The following G2E3 variants were observed in gnomAD, a reference collection of about 807,000 sequenced individuals.
The protein encoded by G2E3 is G2/M-phase specific E3 ubiquitin protein ligase, also known as G2/M phase-specific E3 ubiquitin-protein ligase.
A neutral mutation model predicts 92.8 loss-of-function variants in G2E3; 35 were observed. The ratio of observed to expected loss-of-function variants is 0.38; its 90% CI spans 0.29 to 0.50. The LOEUF is 0.50. Among genes scored for constraint, G2E3 ranks in the 20% least tolerant of loss-of-function variants. The pLI, the probability that G2E3 is intolerant of heterozygous loss-of-function variation, is 0.94. For missense variants in G2E3, 554 were observed against 823.8 expected (o/e 0.67, Z 4.01); for synonymous variants, 242 against 272.4 (o/e 0.89, Z 1.10).
rs1346024937 is a variant in G2E3 at position 30,617,975 on chromosome 14, A to C, written c.*1441A>C. ...AAAATGTTTTAACCATATTTTTCTTAATACACAAAGCAGGTGTCAGCTGTT... is the reference window on the plus strand; with the variant it reads ...AAAATGTTTTAACCATATTTTTCTTCATACACAAAGCAGGTGTCAGCTGTT... On this transcript the variant is annotated 3_prime_UTR_variant, in exon 15 of 15. Coordinates refer to ENST00000206595, the MANE Select transcript of G2E3 (RefSeq NM_017769.5). The C allele has an allele frequency of 6.8e-6, 1 of 146,766 alleles. No homozygotes were observed. The highest frequency in any genetic ancestry group is 1.5e-5 in the Non-Finnish European group (1 of 66,942). 9.1% of individuals were successfully genotyped at this position (146,766 alleles called of 1,614,324 possible).
At chr14:30,610,692 G>A (rs1882048225) in intron 12 of G2E3, among the ~76,000 whole-genome samples, 1 of 152,164 alleles carries the variant, frequency 6.6e-6, no homozygotes, top group South Asian at 2.1e-4. Context: ...TACAAGTTAG[G>A]TTTTAGGCTA....
intron 1 of G2E3, among the ~76,000 whole-genome samples, chr14:30,563,695 T>TTGTGTGTGTGTGTGTG (rs56029424): frequency 2.8e-5 from 4 of 141,184 alleles, no homozygotes; most frequent in African/African-American, 8.1e-5. Context: ...TTTGTTACTT[T>TTGTGTGTGTGTGTGTG]TGTGTGTGTG....
intron 10 of G2E3, among the ~76,000 whole-genome samples, chr14:30,605,077 G>T (rs535807569): frequency 6.6e-6 from 1 of 152,146 alleles, no homozygotes; most frequent in African/African-American, 2.4e-5. Context: ...TGTATTTTCA[G>T]TAGAGACAGG....
At position 30,590,513 on chromosome 14, in the gene G2E3, T is replaced by C. The variant is rs1594488197; in HGVS notation, c.237+1029T>C. 8.1e-6 allele frequency: 3 copies of C among 368,972 alleles called. No homozygotes were observed. The East Asian group carries it at 2.2e-4, about 27-fold the overall frequency. 22.9% of individuals were successfully genotyped at this position (368,972 alleles called of 1,614,324 possible). A position where few individuals can be genotyped will look rare whatever the true frequency, so the allele number is the denominator to read the frequency against. ...TTGTCCCCTTTCCTGCCCCTGTCCATGTCCCACCCCATGTCAAGTCTGGAA... is the reference window on the plus strand; with the variant it reads ...TTGTCCCCTTTCCTGCCCCTGTCCACGTCCCACCCCATGTCAAGTCTGGAA... On this transcript the variant is annotated intron_variant, in intron 4 of 14. Coordinates refer to ENST00000206595, the MANE Select transcript of G2E3 (RefSeq NM_017769.5).
chr14:30,601,815 A>T lies in G2E3; in HGVS notation c.798A>T (p.Thr266=). ...KRCQCCGSSG[T]HLACSSLRSW... is the part of the protein sequence containing the mutation. ...GTCAGTGTTGTGGTTCCAGTGGCAC[A>T]CATTTAGCCTGCTCCTCATTACGGT... The change falls in exon 9 of 15, where the codon ACA becomes ACT. Residue 266 remains threonine (T), a synonymous_variant. Transcript: ENST00000206595. 6.2e-7 allele frequency: 1 copy of T among 1,613,912 alleles called. No individual in the cohort carries two copies. Among genetic ancestry groups the T allele is most frequent in the Non-Finnish European group, 8.5e-7 (1 of 1,179,820 alleles).
At chr14:30,575,568 G>A (rs1880032192) in intron 1 of G2E3, among the ~76,000 whole-genome samples, 1 of 152,202 alleles carries the variant, frequency 6.6e-6, no homozygotes, top group South Asian at 2.1e-4. Context: ...TAGGAAGAGA[G>A]GAAGTCAAAC....
intron 1 of G2E3, among the ~76,000 whole-genome samples, chr14:30,577,023 A>T (rs1594473103): frequency 6.6e-6 from 1 of 152,070 alleles, no homozygotes. Context: ...TCAAGAGATT[A>T]AGACCATCCT....
rs1224570025 is a variant in G2E3 at position 30,571,350 on chromosome 14, G to A, written c.-4-9726G>A. On this transcript the variant is annotated intron_variant, in intron 1 of 14. Coordinates refer to ENST00000206595, the MANE Select transcript of G2E3 (RefSeq NM_017769.5). ...GTTGTAAGCATTCTTTATGCATTGT[G>A]GATATAAATCCTTTGTCAGGTATAT... 2.0e-5 allele frequency among the ~76,000 whole-genome samples: 3 copies of A among 151,470 alleles called. No individual in the cohort carries two copies. In the East Asian group the frequency reaches 5.8e-4, roughly 29 times the overall value.
At chr14:30,609,496 T>G (rs529303517) in intron 12 of G2E3, among the ~76,000 whole-genome samples, 2 of 152,202 alleles carry the variant, frequency 1.3e-5, no homozygotes, top group Non-Finnish European at 2.9e-5. Context: ...TCTTCTTTAA[T>G]GCTTCTTACT....
intron 1 of G2E3, among the ~76,000 whole-genome samples, chr14:30,568,347 T>TA (rs1265261108): frequency 1.3e-5 from 2 of 152,136 alleles, no homozygotes; most frequent in Non-Finnish European, 2.9e-5. Flanking sequence ...GTATGGATTT[T>TA]AAAAAAATTC....
At chr14:30,597,367 A>G in intron 6 of G2E3, 53 bp from the exon 7 acceptor site, 1 of 867,708 alleles carries the variant, frequency 1.2e-6, no homozygotes, top group Non-Finnish European at 2.0e-6. Context: ...ATAATATATC[A>G]CCTGATAACA....
intron 13 of G2E3, 105 bp downstream of exon 13, chr14:30,612,484 CAG>C (rs1454331100): frequency 1.3e-6 from 1 of 741,116 alleles, no homozygotes; most frequent in African/African-American, 1.8e-5. Flanking sequence ...ATGTTTTTCT[CAG>C]AAAAAAATTT....
At chr14:30,565,153 A>C (rs2138763268) in intron 1 of G2E3, among the ~76,000 whole-genome samples, 1 of 152,266 alleles carries the variant, frequency 6.6e-6, no homozygotes, top group South Asian at 2.1e-4. Flanking sequence ...AGTTTGTAAA[A>C]ATTATTATTA....
At chr14:30,616,006 T>C (rs45567332) in intron 14 of G2E3, among the ~76,000 whole-genome samples, 1 of 152,140 alleles carries the variant, frequency 6.6e-6, no homozygotes, top group African/African-American at 2.4e-5. Context: ...AGATTTTTGG[T>C]TTTTTACCGT....
chr14:30,614,660 C>T lies in G2E3; in HGVS notation c.1674-689C>T, dbSNP rs537042332. Among the ~76,000 whole-genome samples the T allele has an allele frequency of 3.3e-5, 5 of 152,310 alleles. No individual in the cohort carries two copies. In the South Asian group the frequency reaches 6.2e-4, roughly 19 times the overall value. On this transcript the variant is annotated intron_variant, in intron 13 of 14. Transcript: ENST00000206595. ...TCTGCTCCTGGCACTCTAAAACTCA[C>T]GTCCCACTCACATACAAAAGAGTAT...
intron 1 of G2E3, among the ~76,000 whole-genome samples, chr14:30,569,993 A>G (rs774561099): frequency 6.6e-6 from 1 of 152,184 alleles, no homozygotes; most frequent in South Asian, 2.1e-4. Flanking sequence ...GCTACACTGC[A>G]TGTGTGTGAA....
chr14:30,616,634 A>G lies in G2E3; in HGVS notation c.*100A>G. ...CATCATCACTTTGAACAAACTAGTT[A>G]GCTTCTTGACCTAATAAAATTTATG... On this transcript the variant is annotated 3_prime_UTR_variant, in exon 15 of 15. Transcript: ENST00000206595. 4 of 846,278 alleles carry G rather than the reference A, an allele frequency of 4.7e-6. No homozygotes were observed. Among genetic ancestry groups the G allele is most frequent in the Non-Finnish European group, 7.5e-6 (4 of 534,716 alleles). 52.4% of individuals were successfully genotyped at this position (846,278 alleles called of 1,614,324 possible).
intron 1 of G2E3, among the ~76,000 whole-genome samples, chr14:30,578,163 T>TA (rs1270873520): frequency 6.6e-6 from 1 of 152,168 alleles, no homozygotes; most frequent in Non-Finnish European, 1.5e-5. Flanking sequence ...ATTCAGGATT[T>TA]AGAAACAAAA....
intron 8 of G2E3, among the ~76,000 whole-genome samples, chr14:30,600,044 A>G (rs1445672000): frequency 2.6e-5 from 4 of 152,230 alleles, no homozygotes; most frequent in Non-Finnish European, 4.4e-5. Flanking sequence ...GAATATCTTC[A>G]GTTTTTAAGA....
Sources: gnomAD v4.1 joint callset for allele counts (sites outside exome capture counted in the v4.1 genomes callset) on GRCh38, gnomAD v4.1.1 for gene constraint, MANE v1.5 for transcripts, NCBI Gene and HGNC (gene_info 2026-07-23, HGNC 2026-07-21) for gene names.